REC114: variants seen among roughly 807,000 people sequenced by gnomAD.
The protein encoded by REC114 is REC114 meiotic recombination protein.
REC114 carries 27 observed loss-of-function variants against 31.3 expected under a neutral mutation model. That is an observed-to-expected ratio of 0.86 (90% CI 0.64 to 1.19). The LOEUF (loss-of-function observed/expected upper bound fraction) is 1.19. Among genes scored for constraint, REC114 ranks in the 50% most tolerant of loss-of-function variants. The pLI is 0.00. For missense variants in REC114, 344 were observed against 326.9 expected (o/e 1.05, Z -0.40); for synonymous variants, 134 against 127.7 (o/e 1.05, Z -0.33).
intron 1 of REC114, among the ~76,000 whole-genome samples, chr15:73,469,444 C>A (rs1215393614): frequency 6.6e-6 from 1 of 152,032 alleles, no homozygotes; most frequent in African/African-American, 2.4e-5. Flanking sequence ...GAAAGAGTCT[C>A]ACTCTGTTAC....
chr15:73,497,646 G>A (rs1417355494), intron 2 of REC114, among the ~76,000 whole-genome samples: 1 of 152,158 alleles, frequency 6.6e-6, no homozygotes, highest in Non-Finnish European at 1.5e-5. Flanking sequence ...TATATAAATA[G>A]ATTTGTAAAC....
Position 73,529,321 on chromosome 15 carries a change from G to T in REC114, c.250-11164G>T, listed in dbSNP as rs542509287. Among the ~76,000 whole-genome samples the T allele has an allele frequency of 2.0e-4, 31 of 151,868 alleles. 1 individual carries two copies. The highest frequency in any genetic ancestry group is 7.5e-4 in the African/African-American group (31 of 41,346). On this transcript the variant is annotated intron_variant, in intron 2 of 5. Coordinates refer to ENST00000331090, the MANE Select transcript of REC114 (RefSeq NM_001042367.2). ...CCCAACTAATTTTTTGTATTTTTTA[G>T]TAAAGACGGGGTTTCACCATGAAAG...
At chr15:73,508,015 A>C (rs1595873094) in intron 2 of REC114, among the ~76,000 whole-genome samples, 1 of 152,288 alleles carries the variant, frequency 6.6e-6, no homozygotes, top group African/African-American at 2.4e-5. Context: ...GTGCATCCCT[A>C]CAGCATCTTG....
intron 2 of REC114, among the ~76,000 whole-genome samples, chr15:73,502,363 G>A (rs77815735): frequency 0.014 from 2,160 of 152,200 alleles, 28 homozygotes; most frequent in East Asian, 0.054. Flanking sequence ...AACCCCTTGC[G>A]CAGCTGAAAA....
Position 73,443,324 on chromosome 15 carries a change from G to A in REC114, c.139G>A (p.Ala47Thr). The A allele has an allele frequency of 6.3e-7, 1 of 1,580,190 alleles. No individual in the cohort carries two copies. Among genetic ancestry groups the A allele is most frequent in the South Asian group, 1.2e-5 (1 of 85,894 alleles). Reference protein sequence around the residue: ...PPGPCLEAGTAPCPTWKVFDS... With the variant: ...PPGPCLEAGTTPCPTWKVFDS... ...TGGGCCATGCCTGGAAGCTGGGACA[G>A]CCCCCTGCCCCACATGGAAGGTGAG... The change falls in exon 1 of 6, where the codon GCC becomes ACC. Residue 47 changes from alanine (A) to threonine (T), a missense_variant. Coordinates refer to ENST00000331090, the MANE Select transcript of REC114 (RefSeq NM_001042367.2).
chr15:73,499,063 C>T (rs1455669897), intron 2 of REC114, among the ~76,000 whole-genome samples: 1 of 152,078 alleles, frequency 6.6e-6, no homozygotes, highest in African/African-American at 2.4e-5. Flanking sequence ...CTCAGCTAAA[C>T]TCTTCCCCAT....
At chr15:73,514,055 C>G in intron 2 of REC114, among the ~76,000 whole-genome samples, 1 of 152,284 alleles carries the variant, frequency 6.6e-6, no homozygotes, top group Non-Finnish European at 1.5e-5. Context: ...TCGCTGCTGC[C>G]TTGCAGTTTG....
chr15:73,532,030 T>A (rs1413242963), intron 2 of REC114, among the ~76,000 whole-genome samples: 1 of 151,264 alleles, frequency 6.6e-6, no homozygotes, highest in Non-Finnish European at 1.5e-5. Flanking sequence ...CATGTGCACA[T>A]TGTGCAGGTT....
chr15:73,452,720 T>A (rs1183638360), intron 1 of REC114, among the ~76,000 whole-genome samples: 2 of 152,218 alleles, frequency 1.3e-5, no homozygotes, highest in African/African-American at 2.4e-5. Context: ...ATCAGCTACC[T>A]GACTTCAAAC....
chr15:73,495,341 A>C (rs561479104), intron 2 of REC114, among the ~76,000 whole-genome samples: 9 of 152,106 alleles, frequency 5.9e-5, no homozygotes, highest in Non-Finnish European at 7.4e-5. Context: ...GTTTCGAAAA[A>C]AAAGTACCTC....
intron 2 of REC114, among the ~76,000 whole-genome samples, chr15:73,538,087 A>T (rs958845659): frequency 7.2e-5 from 11 of 152,232 alleles, no homozygotes; most frequent in African/African-American, 2.7e-4. Context: ...GCAACTAAAA[A>T]TGGAATTTTA....
chr15:73,476,826 A>C (rs1893221692), intron 2 of REC114, among the ~76,000 whole-genome samples: 1 of 152,242 alleles, frequency 6.6e-6, no homozygotes, highest in Non-Finnish European at 1.5e-5. Flanking sequence ...GCTGTTATGA[A>C]TAACACTACT....
At chr15:73,545,764 A>T (rs1894300431) in intron 3 of REC114, among the ~76,000 whole-genome samples, 2 of 152,116 alleles carry the variant, frequency 1.3e-5, no homozygotes, top group South Asian at 4.1e-4. Context: ...CCCTGCTTGT[A>T]TGCTTAGTGT....
chr15:73,463,211 A>T (rs918453883), intron 1 of REC114, among the ~76,000 whole-genome samples: 3 of 151,738 alleles, frequency 2.0e-5, no homozygotes, highest in Non-Finnish European at 4.4e-5. Context: ...TATTTCCTTG[A>T]CCTCACCTCT....
chr15:73,545,512 G>A (rs1434500286), intron 3 of REC114, among the ~76,000 whole-genome samples: 1 of 152,104 alleles, frequency 6.6e-6, no homozygotes, highest in African/African-American at 2.4e-5. Flanking sequence ...ATGTACCTGG[G>A]TTTTATCTTG....
rs535771066 is a variant in REC114 at position 73,460,493 on chromosome 15, C to A, written c.160-13339C>A. Among the ~76,000 whole-genome samples the A allele has an allele frequency of 9.9e-5, 15 of 152,204 alleles. No individual in the cohort carries two copies. In the South Asian group the frequency reaches 3.1e-3, roughly 32 times the overall value. ...GACTTCACAAATGACAGCACTGTAT[C>A]TGAGAAATAAAGTAAGGTGTTTCCT... is the stretch of plus-strand genomic sequence containing the variant. On this transcript the variant is annotated intron_variant, in intron 1 of 5. Transcript: ENST00000331090.
At chr15:73,538,455 C>CTTTTTTTTTTTTTTTTTTT (rs34642401) in intron 2 of REC114, among the ~76,000 whole-genome samples, 2 of 124,110 alleles carry the variant, frequency 1.6e-5, no homozygotes, top group African/African-American at 5.9e-5. Flanking sequence ...AATTCTATTT[C>CTTTTTTTTTTTTTTTTTTT]TTTTTTTTTT....
intron 3 of REC114, among the ~76,000 whole-genome samples, chr15:73,541,883 T>C (rs1431522527): frequency 6.6e-6 from 1 of 152,110 alleles, no homozygotes. Context: ...AAAATAAAAA[T>C]CAACCATAAT....
chr15:73,487,933 A>C (rs543500612), intron 2 of REC114, among the ~76,000 whole-genome samples: 1 of 152,310 alleles, frequency 6.6e-6, no homozygotes, highest in Non-Finnish European at 1.5e-5. Flanking sequence ...AAAGGTAGCC[A>C]TGCCTCCACA....
Sources: gnomAD v4.1 joint callset for allele counts (sites outside exome capture counted in the v4.1 genomes callset) on GRCh38, gnomAD v4.1.1 for gene constraint, MANE v1.5 for transcripts, NCBI Gene and HGNC (gene_info 2026-07-23, HGNC 2026-07-21) for gene names.